Variants in CAPN9 observed in about 807,000 individuals in gnomAD.
CAPN9 encodes the protein calpain-9.
In CAPN9, 81 loss-of-function variants were observed where a neutral mutation model predicts 92.8. The observed-to-expected ratio is 0.87, with a 90% CI of 0.73 to 1.05. CAPN9 has a LOEUF of 1.05. CAPN9 is among the 50% of genes least tolerant of loss of function. CAPN9 has a pLI of 0.00. For synonymous variants in CAPN9, 304 were observed against 328.0 expected, an observed-to-expected ratio of 0.93 and a Z score of 0.79; for missense variants, 848 against 866.2, an observed-to-expected ratio of 0.98 and a Z score of 0.26.
chr1:230,794,052 G>C (rs547035853), intron 17 of CAPN9, among the ~76,000 whole-genome samples: 1 of 152,304 alleles, frequency 6.6e-6, no homozygotes, highest in Non-Finnish European at 1.5e-5. Context: ...TGACCTGCCT[G>C]CTCCTCTGCT....
At chr1:230,773,588 C>G (rs867837988) in intron 7 of CAPN9, among the ~76,000 whole-genome samples, 1 of 152,212 alleles carries the variant, frequency 6.6e-6, no homozygotes, top group Non-Finnish European at 1.5e-5. Context: ...GACTCCCTGA[C>G]TTCGCTGTGC....
At position 230,762,680 on chromosome 1, in the gene CAPN9, G is replaced by T. The variant is rs373142698; in HGVS notation, c.430G>T (p.Val144Leu). Residue 144 changes from valine (V) to leucine (L), a missense_variant, in exon 4 of 20, where the codon GTG becomes TTG. Val to Leu is a conservative substitution (Grantham distance 32, BLOSUM62 1). Coordinates refer to ENST00000271971, the MANE Select transcript of CAPN9 (RefSeq NM_006615.3). ...CTGGCAGCACAGTGAGTGGCTGGAC[G>T]TGGTGATCGATGACCGCCTGCCCAC... ...QFWQHSEWLD[V>L]VIDDRLPTFR... 5.6e-6 allele frequency: 9 copies of T among 1,614,036 alleles called. No individual in the cohort carries two copies. Among genetic ancestry groups the T allele is most frequent in the Middle Eastern group, 3.3e-4 (2 of 6,084 alleles).
intron 7 of CAPN9, 89 bp from the exon 8 acceptor site, chr1:230,774,465 C>T: frequency 1.1e-6 from 1 of 886,590 alleles, no homozygotes; most frequent in Non-Finnish European, 1.9e-6. Context: ...CTTATTTCCT[C>T]CATAACCGCA....
At chr1:230,787,461 A>G in intron 12 of CAPN9, 61 bp from the exon 13 acceptor site, 7 of 1,469,152 alleles carry the variant, frequency 4.8e-6, no homozygotes, top group Non-Finnish European at 5.7e-6. Flanking sequence ...CTTTCCTGCT[A>G]TTTTTGTCAT....
intron 3 of CAPN9, among the ~76,000 whole-genome samples, chr1:230,760,461 C>G (rs1033591512): frequency 2.0e-5 from 3 of 152,190 alleles, no homozygotes; most frequent in African/African-American, 7.2e-5. Flanking sequence ...CAGGCCACCA[C>G]TCAGGGCCAG....
intron 8 of CAPN9, 21 bp downstream of exon 8, chr1:230,774,652 T>C (rs749941318): frequency 1.2e-5 from 19 of 1,580,220 alleles, no homozygotes; most frequent in Non-Finnish European, 1.6e-5. Flanking sequence ...TGTTCCTGTG[T>C]TAACTGCAGA....
chr1:230,762,548 G>C, intron 3 of CAPN9, 105 bp from the exon 4 acceptor site: 2 of 1,350,534 alleles, frequency 1.5e-6, no homozygotes. Flanking sequence ...TCTATGGGTA[G>C]CTTGGTCAGA....
At chr1:230,772,610 C>T (rs1017833416) in intron 7 of CAPN9, among the ~76,000 whole-genome samples, 4 of 152,262 alleles carry the variant, frequency 2.6e-5, no homozygotes, top group Admixed American at 2.6e-4. Context: ...AGCATGGTGG[C>T]TCATGCCTAT....
At chr1:230,758,353 G>A (rs1450380682) in intron 2 of CAPN9, among the ~76,000 whole-genome samples, 2 of 152,088 alleles carry the variant, frequency 1.3e-5, no homozygotes, top group East Asian at 3.9e-4. Flanking sequence ...CCACCCTAGA[G>A]GCACTTGGTA....
chr1:230,785,462 G>A (rs978232442), intron 11 of CAPN9, among the ~76,000 whole-genome samples: 5 of 152,252 alleles, frequency 3.3e-5, no homozygotes, highest in Middle Eastern at 3.4e-3. Context: ...TCATGGGGGC[G>A]GATCTCTCAT....
At chr1:230,760,801 G>A (rs1230470083) in intron 3 of CAPN9, among the ~76,000 whole-genome samples, 2 of 152,212 alleles carry the variant, frequency 1.3e-5, no homozygotes, top group African/African-American at 4.8e-5. Context: ...AAACACACCA[G>A]GGTGGCAGTG....
chr1:230,760,920 G>A (rs1247427238), intron 3 of CAPN9, among the ~76,000 whole-genome samples: 6 of 152,132 alleles, frequency 3.9e-5, no homozygotes. Context: ...CCACCTCTTG[G>A]GCTCCCAAAA....
At position 230,774,689 on chromosome 1, in the gene CAPN9, C is replaced by T. The variant is rs944138448; in HGVS notation, c.953+58C>T. ...ACGAGCAAGTCCCATGGCCCTGGGG[C>T]GTAAGGAGCACTGTGCTTCTCTCTC... On this transcript the variant is annotated intron_variant, in intron 8 of 19. Transcript: ENST00000271971. The T allele has an allele frequency of 1.8e-4, 196 of 1,079,426 alleles. 1 individual carries two copies. Among genetic ancestry groups the T allele is most frequent in the Middle Eastern group, 8.1e-4 (4 of 4,920 alleles). 66.9% of individuals were successfully genotyped at this position (1,079,426 alleles called of 1,614,324 possible).
intron 18 of CAPN9, among the ~76,000 whole-genome samples, chr1:230,797,785 C>T (rs1668446286): frequency 6.6e-6 from 1 of 152,204 alleles, no homozygotes. Context: ...AAGGGCGAGA[C>T]TAACAACTTT....
At chr1:230,751,743 C>T (rs1169800258) in intron 1 of CAPN9, among the ~76,000 whole-genome samples, 2 of 151,628 alleles carry the variant, frequency 1.3e-5, no homozygotes, top group Non-Finnish European at 2.9e-5. Context: ...AGTGTGTCTT[C>T]GGCTGAGCCC....
chr1:230,751,602 A>AAAG (rs1664796951), intron 1 of CAPN9, among the ~76,000 whole-genome samples: 3 of 13,878 alleles, frequency 2.2e-4, no homozygotes, highest in African/African-American at 6.7e-4. Flanking sequence ...AGAAAGAAAG[A>AAAG]AAGAAAGAGA....
At chr1:230,770,030 G>A (rs1041119682) in intron 6 of CAPN9, among the ~76,000 whole-genome samples, 2 of 152,042 alleles carry the variant, frequency 1.3e-5, no homozygotes, top group Non-Finnish European at 2.9e-5. Context: ...TCAGCTTTAG[G>A]GAATACAAGA....
chr1:230,756,518 T>A (rs1204558425), intron 2 of CAPN9, among the ~76,000 whole-genome samples: 1 of 152,096 alleles, frequency 6.6e-6, no homozygotes, highest in Non-Finnish European at 1.5e-5. Flanking sequence ...AATACATGGA[T>A]GGATGGGTAT....
chr1:230,778,836 C>T (rs915072351), intron 8 of CAPN9, 137 bp from the exon 9 acceptor site: 13 of 739,798 alleles, frequency 1.8e-5, no homozygotes, highest in East Asian at 2.9e-5. Context: ...CATCTCCCCA[C>T]ACTTTGCAGT....
Sources: allele counts gnomAD v4.1 joint callset (sites outside exome capture counted in the v4.1 genomes callset), GRCh38; gene constraint gnomAD v4.1.1; transcripts MANE v1.5; gene names NCBI Gene and HGNC (gene_info 2026-07-23, HGNC 2026-07-21).